IPO11: variants seen among roughly 807,000 people sequenced by gnomAD.
IPO11 encodes the protein importin 11.
A neutral mutation model predicts 143.2 loss-of-function variants in IPO11; 66 were observed. The observed-to-expected ratio is 0.46, with a 90% CI of 0.38 to 0.57. The LOEUF (loss-of-function observed/expected upper bound fraction) is 0.57, where lower values mean the gene tolerates loss of function less well. IPO11 is among the 20% of genes least tolerant of loss of function. IPO11 has a pLI of 0.00. For synonymous variants in IPO11, 385 were observed against 377.8 expected (o/e 1.02, Z -0.22); for missense variants, 1,026 against 1,141.0 (o/e 0.90, Z 1.45).
chr5:62,565,483 C>G (rs1478753625), intron 27 of IPO11, among the ~76,000 whole-genome samples: 1 of 152,056 alleles, frequency 6.6e-6, no homozygotes, highest in Non-Finnish European at 1.5e-5. Context: ...GAGACTCTGT[C>G]TCAAGAAAAA....
chr5:62,498,261 G>A (rs1741226408), intron 16 of IPO11, among the ~76,000 whole-genome samples: 1 of 151,910 alleles, frequency 6.6e-6, no homozygotes, highest in African/African-American at 2.4e-5. Flanking sequence ...GAGCATATCG[G>A]TAGTTCCTTG....
chr5:62,451,987 G>A, intron 5 of IPO11, 54 bp downstream of exon 5: 1 of 1,415,950 alleles, frequency 7.1e-7, no homozygotes, highest in South Asian at 1.2e-5. Context: ...GGCCGGGCGT[G>A]GTGGCTTATG....
chr5:62,450,287 C>T (rs891899968), intron 4 of IPO11, among the ~76,000 whole-genome samples: 5 of 152,086 alleles, frequency 3.3e-5, no homozygotes, highest in Admixed American at 6.5e-5. Flanking sequence ...TATATAGTCA[C>T]GTGATGCCTA....
Position 62,534,874 on chromosome 5 carries a change from T to C in IPO11, c.2090-1828T>C, listed in dbSNP as rs185463538. On this transcript the variant is annotated intron_variant, in intron 22 of 29. Transcript: ENST00000325324. Reference sequence around the variant, plus strand: ...TATCTGAAAGTAAATACCTATCTATTGCATGATTGAAGTATAACTTCTTGG... The same window carrying C: ...TATCTGAAAGTAAATACCTATCTATCGCATGATTGAAGTATAACTTCTTGG... 2.0e-4 allele frequency among the ~76,000 whole-genome samples: 31 copies of C among 152,266 alleles called. No homozygotes were observed. In the East Asian group the frequency reaches 4.8e-3, roughly 24 times the overall value.
chr5:62,513,163 G>T (rs1460232161), intron 19 of IPO11, among the ~76,000 whole-genome samples: 1 of 151,514 alleles, frequency 6.6e-6, no homozygotes, highest in Non-Finnish European at 1.5e-5. Context: ...AGGGGCGGCC[G>T]GGCAGAGGCG....
In IPO11 at chr5:62,483,594, A is replaced by G. The variant is rs182197279; in HGVS notation, c.1021+301A>G. ...GTAGGGTGTATTCATTTGAACAAAT[A>G]AAAGCTTTCTCTGACTTTATATAAA... On this transcript the variant is annotated intron_variant, in intron 10 of 29. Coordinates refer to ENST00000325324, the MANE Select transcript of IPO11 (RefSeq NM_016338.5). Among the ~76,000 whole-genome samples, 306 of 152,298 alleles carry G rather than the reference A, an allele frequency of 2.0e-3. 2 individuals are homozygous for G. Among genetic ancestry groups the G allele is most frequent in the African/African-American group, 7.2e-3 (299 of 41,578 alleles).
intron 29 of IPO11, among the ~76,000 whole-genome samples, chr5:62,610,768 T>C (rs1745897090): frequency 6.6e-6 from 1 of 152,164 alleles, no homozygotes; most frequent in African/African-American, 2.4e-5. Flanking sequence ...GAATCTTTTT[T>C]TTTCTTCTGT....
At chr5:62,526,353 A>G (rs1169056711) in intron 21 of IPO11, 96 bp downstream of exon 21, 5 of 793,740 alleles carry the variant, frequency 6.3e-6, no homozygotes, top group Non-Finnish European at 1.0e-5. Flanking sequence ...AGGGCTTTAA[A>G]AACAGAAAAT....
chr5:62,552,235 A>G (rs1561359949), intron 26 of IPO11, among the ~76,000 whole-genome samples: 1 of 152,156 alleles, frequency 6.6e-6, no homozygotes, highest in Non-Finnish European at 1.5e-5. Flanking sequence ...TACTTGACGA[A>G]TATATCTACA....
intron 20 of IPO11, among the ~76,000 whole-genome samples, chr5:62,521,594 ATGT>A (rs1323261302): frequency 6.6e-6 from 1 of 152,100 alleles, no homozygotes; most frequent in African/African-American, 2.4e-5. Context: ...CTGGAAACTC[ATGT>A]TCTTGAATGC....
intron 1 of IPO11, among the ~76,000 whole-genome samples, chr5:62,429,078 T>C (rs1392329290): frequency 6.6e-6 from 1 of 152,208 alleles, no homozygotes; most frequent in East Asian, 1.9e-4. Context: ...TACAATTCAG[T>C]AGTTTTTAGT....
intron 29 of IPO11, among the ~76,000 whole-genome samples, chr5:62,607,709 G>T (rs1414953921): frequency 6.6e-6 from 1 of 151,910 alleles, no homozygotes; most frequent in Non-Finnish European, 1.5e-5. Flanking sequence ...CAGCTTACAT[G>T]CAGTCCACCC....
At chr5:62,602,985 C>CT (rs948435377) in intron 29 of IPO11, among the ~76,000 whole-genome samples, 12 of 152,186 alleles carry the variant, frequency 7.9e-5, no homozygotes, top group African/African-American at 2.9e-4. Context: ...AATATCATTA[C>CT]TTTTCTTCCC....
intron 9 of IPO11, among the ~76,000 whole-genome samples, chr5:62,481,476 T>C (rs1230750649): frequency 6.6e-6 from 1 of 152,226 alleles, no homozygotes; most frequent in Non-Finnish European, 1.5e-5. Flanking sequence ...TGAAGGGCTG[T>C]TGAATTTTGT....
intron 19 of IPO11, among the ~76,000 whole-genome samples, chr5:62,508,138 C>T (rs1029266014): frequency 2.0e-5 from 3 of 151,776 alleles, no homozygotes; most frequent in Non-Finnish European, 4.4e-5. Flanking sequence ...CAAATTTTAT[C>T]TTTTTTGAGA....
At chr5:62,448,422 C>A (rs1298730154) in intron 3 of IPO11, among the ~76,000 whole-genome samples, 1 of 152,184 alleles carries the variant, frequency 6.6e-6, no homozygotes, top group African/African-American at 2.4e-5. Flanking sequence ...GGGAGGACAA[C>A]TATATTCAAG....
intron 27 of IPO11, among the ~76,000 whole-genome samples, chr5:62,572,813 A>G (rs1254950739): frequency 6.6e-6 from 1 of 151,806 alleles, no homozygotes. Flanking sequence ...GAACTCCTGC[A>G]CTCAAGCAGT....
chr5:62,476,692 T>C lies in IPO11; in HGVS notation c.767T>C (p.Ile256Thr), dbSNP rs763701912. 2.6e-6 allele frequency: 4 copies of C among 1,519,754 alleles called. No individual in the cohort carries two copies. Among genetic ancestry groups the C allele is most frequent in the Non-Finnish European group, 3.5e-6 (4 of 1,131,184 alleles). 94.1% of individuals were successfully genotyped at this position (1,519,754 alleles called of 1,614,324 possible). The change falls in exon 9 of 30, where the codon ATA becomes ACA. Residue 256 changes from isoleucine (I) to threonine (T), a missense_variant. Physicochemically the swap from Ile to Thr is moderately conservative, Grantham distance 89. Transcript: ENST00000325324. Reference sequence around the variant, plus strand: ...AATGTATTTTTAACAGGTAGAAGTATAGGTACAGATAATGTGTGTAGAGAT... The same window carrying C: ...AATGTATTTTTAACAGGTAGAAGTACAGGTACAGATAATGTGTGTAGAGAT... ...LKQFLECSRS[I>T]GTDNVCRDRL...
At chr5:62,604,632 G>A (rs942467090) in intron 29 of IPO11, among the ~76,000 whole-genome samples, 2 of 152,064 alleles carry the variant, frequency 1.3e-5, no homozygotes, top group Non-Finnish European at 2.9e-5. Flanking sequence ...CTAATTATAT[G>A]TAGTATTGGT....
Sources: gnomAD v4.1 joint callset for allele counts (sites outside exome capture counted in the v4.1 genomes callset) on GRCh38, gnomAD v4.1.1 for gene constraint, MANE v1.5 for transcripts, NCBI Gene and HGNC (gene_info 2026-07-23, HGNC 2026-07-21) for gene names.